ARHGEF26: variants seen among roughly 807,000 people sequenced by gnomAD.
The protein encoded by ARHGEF26 is Rho guanine nucleotide exchange factor (GEF) 26.
A neutral mutation model predicts 89.4 loss-of-function variants in ARHGEF26; 59 were observed. The observed-to-expected ratio is 0.66, with a 90% CI of 0.54 to 0.82. The LOEUF is 0.82. Ranked by LOEUF, ARHGEF26 falls within the 40% of genes least tolerant of loss-of-function variation. The probability of loss-of-function intolerance (pLI) is 0.00; values close to 1 mark genes in which losing one functional copy is unlikely to be tolerated. For missense variants in ARHGEF26, 1,234 were observed against 1,085.6 expected (o/e 1.14, Z -1.92); for synonymous variants, 500 against 428.4 (o/e 1.17, Z -2.06).
At chr3:154,142,214 T>C (rs536733822) in intron 4 of ARHGEF26, among the ~76,000 whole-genome samples, 1 of 151,526 alleles carries the variant, frequency 6.6e-6, no homozygotes, top group African/African-American at 2.4e-5. Context: ...TGAATAAAAC[T>C]TTTTCTTTTT....
chr3:154,239,306 G>GTA lies in ARHGEF26; in HGVS notation c.2091-1063_2091-1062insAT, dbSNP rs1157772100. Among the ~76,000 whole-genome samples the GTA allele has an allele frequency of 1.1e-3, 32 of 28,016 alleles. 1 individual carries two copies. The highest frequency in any genetic ancestry group is 2.9e-3 in the African/African-American group (32 of 10,994). 18.4% of individuals were successfully genotyped at this position (28,016 alleles called of 152,430 possible). On this transcript the variant is annotated intron_variant, in intron 11 of 14. Coordinates refer to ENST00000465093, the MANE Select transcript of ARHGEF26 (RefSeq NM_015595.4). Reference sequence around the variant, plus strand: ...AGAGAGAGAGAGAGAGAGAGTGTGTGTGTGTGTGTGTGTGTGTGTGTGTGT... The same window carrying GTA: ...AGAGAGAGAGAGAGAGAGAGTGTGTGTATGTGTGTGTGTGTGTGTGTGTGTGT...
At chr3:154,196,159 A>G (rs1714277882) in intron 9 of ARHGEF26, among the ~76,000 whole-genome samples, 1 of 152,138 alleles carries the variant, frequency 6.6e-6, no homozygotes, top group Non-Finnish European at 1.5e-5. Context: ...GGGAGGTGTG[A>G]ATATGCAGCC....
rs888263582 is a variant in ARHGEF26 at position 154,137,102 on chromosome 3, A to G, written c.1269+7383A>G. Among the ~76,000 whole-genome samples the G allele has an allele frequency of 3.9e-5, 6 of 152,348 alleles. No homozygotes were observed. The East Asian group carries it at 5.8e-4, about 15-fold the overall frequency. On this transcript the variant is annotated intron_variant, in intron 4 of 14. Coordinates refer to ENST00000465093, the MANE Select transcript of ARHGEF26 (RefSeq NM_015595.4). Reference sequence around the variant, plus strand: ...GATATTTTTCCCCTCCAAAACTCATATGGAAATTTAATTCCTGATGTAGCA... The same window carrying G: ...GATATTTTTCCCCTCCAAAACTCATGTGGAAATTTAATTCCTGATGTAGCA...
intron 9 of ARHGEF26, among the ~76,000 whole-genome samples, chr3:154,194,940 A>G (rs1053142582): frequency 1.3e-5 from 2 of 152,162 alleles, no homozygotes; most frequent in Non-Finnish European, 2.9e-5. Context: ...CAGATACCTC[A>G]TTTTCTTTTG....
At chr3:154,173,974 A>G (rs1002761600) in intron 6 of ARHGEF26, among the ~76,000 whole-genome samples, 16 of 152,240 alleles carry the variant, frequency 1.1e-4, no homozygotes, top group Admixed American at 2.0e-4. Flanking sequence ...AATAGTATCT[A>G]TGACCATTTA....
At chr3:154,230,567 T>C (rs1716772490) in intron 11 of ARHGEF26, among the ~76,000 whole-genome samples, 1 of 152,210 alleles carries the variant, frequency 6.6e-6, no homozygotes, top group Admixed American at 6.5e-5. Context: ...TTACTGGTTG[T>C]AGGAGAAAAC....
Position 154,194,774 on chromosome 3 carries a change from A to G in ARHGEF26, c.1845+56A>G, listed in dbSNP as rs183168270. On this transcript the variant is annotated intron_variant, in intron 9 of 14. Transcript: ENST00000465093. Reference sequence around the variant, plus strand: ...ACAGGAAACCATTCAGTTAGCTCAGACACAAAGTGTGTCTTGGCTTGATGC... The same window carrying G: ...ACAGGAAACCATTCAGTTAGCTCAGGCACAAAGTGTGTCTTGGCTTGATGC... 10 of 1,455,070 alleles carry G rather than the reference A, an allele frequency of 6.9e-6. No individual in the cohort carries two copies. The East Asian group carries it at 2.1e-4, about 30-fold the overall frequency. The allele number at this position is 1,455,070 out of a possible 1,614,324, so 90.1% of individuals were successfully genotyped here.
At chr3:154,194,347 A>G (rs1012112703) in intron 8 of ARHGEF26, among the ~76,000 whole-genome samples, 1 of 152,164 alleles carries the variant, frequency 6.6e-6, no homozygotes, top group African/African-American at 2.4e-5. Context: ...GCTTATAAAG[A>G]TAGAGTTAGT....
intron 12 of ARHGEF26, among the ~76,000 whole-genome samples, chr3:154,252,561 C>G: frequency 6.6e-6 from 1 of 152,106 alleles, no homozygotes; most frequent in East Asian, 1.9e-4. Context: ...GCTCATTAAA[C>G]CATTTTAAGC....
chr3:154,250,771 A>G (rs562910414), intron 12 of ARHGEF26, among the ~76,000 whole-genome samples: 7 of 152,332 alleles, frequency 4.6e-5, no homozygotes, highest in South Asian at 2.1e-4. Flanking sequence ...CAACACTTCT[A>G]TTCATGAGGT....
At chr3:154,213,349 A>C (rs1015628990) in intron 9 of ARHGEF26, among the ~76,000 whole-genome samples, 1 of 151,976 alleles carries the variant, frequency 6.6e-6, no homozygotes, top group Non-Finnish European at 1.5e-5. Flanking sequence ...AATTGAAGGA[A>C]GGTACAGTAA....
intron 12 of ARHGEF26, among the ~76,000 whole-genome samples, chr3:154,252,734 A>T (rs761113737): frequency 1.3e-5 from 2 of 152,182 alleles, no homozygotes; most frequent in South Asian, 4.1e-4. Flanking sequence ...GAAGCAGAGA[A>T]ATTAGTAGGA....
intron 3 of ARHGEF26, among the ~76,000 whole-genome samples, chr3:154,125,756 C>T (rs1297327426): frequency 2.6e-5 from 4 of 151,974 alleles, no homozygotes; most frequent in Non-Finnish European, 5.9e-5. Flanking sequence ...CCTCTCATTT[C>T]TTCTCAAATA....
chr3:154,184,502 C>G (rs1033506833), intron 6 of ARHGEF26, among the ~76,000 whole-genome samples: 19 of 152,184 alleles, frequency 1.2e-4, no homozygotes, highest in African/African-American at 4.3e-4. Context: ...TCTCCCTGTT[C>G]CTAAATCTCT....
At chr3:154,167,732 A>G (rs544058802) in intron 6 of ARHGEF26, among the ~76,000 whole-genome samples, 2 of 152,322 alleles carry the variant, frequency 1.3e-5, no homozygotes, top group East Asian at 1.9e-4. Context: ...GTTTGAATGC[A>G]TAATTCTTGG....
chr3:154,121,835 T>C (rs12496515), intron 1 of ARHGEF26, 107 bp from the exon 2 acceptor site: 166,456 of 1,015,494 alleles, frequency 0.16, 19,276 homozygotes, highest in East Asian at 0.49. Context: ...TGCGGTGCAG[T>C]CGTGTCCTGC....
chr3:154,212,254 CCA>C (rs960326083), intron 9 of ARHGEF26, among the ~76,000 whole-genome samples: 3 of 151,698 alleles, frequency 2.0e-5, no homozygotes, highest in African/African-American at 7.3e-5. Flanking sequence ...TTGCTTGAGC[CCA>C]GGTTGTTGAT....
chr3:154,169,726 T>C (rs147242561), intron 6 of ARHGEF26, among the ~76,000 whole-genome samples: 71 of 152,340 alleles, frequency 4.7e-4, no homozygotes, highest in African/African-American at 1.6e-3. Flanking sequence ...GCAGTGATAG[T>C]GCCATTGGCG....
At chr3:154,148,240 T>G (rs2108088682) in intron 4 of ARHGEF26, among the ~76,000 whole-genome samples, 1 of 152,324 alleles carries the variant, frequency 6.6e-6, no homozygotes, top group Non-Finnish European at 1.5e-5. Context: ...CCCAAATGTG[T>G]GACACTTCAG....
Sources: allele counts gnomAD v4.1 joint callset (sites outside exome capture counted in the v4.1 genomes callset), GRCh38; gene constraint gnomAD v4.1.1; transcripts MANE v1.5; gene names NCBI Gene and HGNC (gene_info 2026-07-23, HGNC 2026-07-21).